KCNK2: variants seen among roughly 807,000 people sequenced by gnomAD.
KCNK2 encodes potassium channel subfamily K member 2.
A neutral mutation model predicts 40.5 loss-of-function variants in KCNK2; 21 were observed. That is an observed-to-expected ratio of 0.52 (90% CI 0.37 to 0.75). KCNK2 has a LOEUF of 0.75. Ranked by LOEUF, KCNK2 falls within the 30% of genes least tolerant of loss-of-function variation. KCNK2 has a pLI of 0.00. For missense variants in KCNK2, 399 were observed against 531.6 expected, an observed-to-expected ratio of 0.75 and a Z score of 2.45; for synonymous variants, 191 against 202.2, an observed-to-expected ratio of 0.94 and a Z score of 0.47.
intron 3 of KCNK2, among the ~76,000 whole-genome samples, chr1:215,136,678 T>C (rs1661934071): frequency 6.6e-6 from 1 of 152,168 alleles, no homozygotes; most frequent in Non-Finnish European, 1.5e-5. Flanking sequence ...GGTTCTTCCA[T>C]GATCCCTGTG....
At chr1:215,200,992 A>G (rs1291676813) in intron 6 of KCNK2, among the ~76,000 whole-genome samples, 7 of 152,168 alleles carry the variant, frequency 4.6e-5, no homozygotes, top group Admixed American at 4.6e-4. Context: ...TAAAGCTGGG[A>G]AGATAGTTTG....
intron 1 of KCNK2, among the ~76,000 whole-genome samples, chr1:215,063,701 A>G (rs1423784780): frequency 2.0e-5 from 3 of 152,152 alleles, no homozygotes; most frequent in Admixed American, 6.5e-5. Flanking sequence ...ATGGCATGAG[A>G]GCAGGTCTCT....
intron 6 of KCNK2, among the ~76,000 whole-genome samples, chr1:215,226,729 A>G (rs990743931): frequency 6.6e-6 from 1 of 152,194 alleles, no homozygotes; most frequent in East Asian, 1.9e-4. Flanking sequence ...GAGAGGTGAA[A>G]AGAGTTAGAG....
At chr1:215,183,110 C>T (rs1398694277) in intron 5 of KCNK2, among the ~76,000 whole-genome samples, 6 of 152,078 alleles carry the variant, frequency 3.9e-5, no homozygotes, top group East Asian at 3.9e-4. Context: ...TTAAAGCTTA[C>T]GGGGTTGATC....
At chr1:215,111,983 TTACCAAG>T (rs1386016705) in intron 2 of KCNK2, among the ~76,000 whole-genome samples, 3 of 145,466 alleles carry the variant, frequency 2.1e-5, no homozygotes, top group Non-Finnish European at 4.5e-5. Flanking sequence ...TGCCTGTAAG[TTACCAAG>T]TACAGGGATT....
chr1:215,084,182 G>GCACA (rs71945726), intron 1 of KCNK2, among the ~76,000 whole-genome samples: 8,555 of 141,832 alleles, frequency 0.06, 271 homozygotes, highest in Admixed American at 0.085. Flanking sequence ...TTAGGTTAAT[G>GCACA]CACACACACA....
chr1:215,048,611 C>T (rs554555333), intron 1 of KCNK2, among the ~76,000 whole-genome samples: 1 of 152,246 alleles, frequency 6.6e-6, no homozygotes, highest in South Asian at 2.1e-4. Flanking sequence ...AAATTTTATT[C>T]AAGTCAAATG....
At chr1:215,127,874 G>T (rs1661500789) in intron 3 of KCNK2, among the ~76,000 whole-genome samples, 1 of 152,026 alleles carries the variant, frequency 6.6e-6, no homozygotes. Flanking sequence ...ATACCTGTGA[G>T]GCTAAATTAT....
intron 1 of KCNK2, among the ~76,000 whole-genome samples, chr1:215,064,222 G>A (rs1206141843): frequency 6.6e-6 from 1 of 152,144 alleles, no homozygotes; most frequent in Non-Finnish European, 1.5e-5. Context: ...GCTTTTACCT[G>A]TAACATCTAA....
chr1:215,196,534 A>G (rs1443924480), intron 6 of KCNK2, among the ~76,000 whole-genome samples: 1 of 152,218 alleles, frequency 6.6e-6, no homozygotes, highest in Non-Finnish European at 1.5e-5. Flanking sequence ...TCTTAGTTGC[A>G]TCATCAAATT....
At chr1:215,234,582 C>A (rs998433615) in intron 6 of KCNK2, among the ~76,000 whole-genome samples, 3 of 152,038 alleles carry the variant, frequency 2.0e-5, no homozygotes, top group African/African-American at 7.3e-5. Flanking sequence ...CATGTAGAGC[C>A]CCTGAAATAT....
At chr1:215,180,625 G>A (rs1591863) in intron 5 of KCNK2, among the ~76,000 whole-genome samples, 18,881 of 151,958 alleles carry the variant, frequency 0.12, 2,452 homozygotes, top group African/African-American at 0.33. Context: ...TGAAGCTTAG[G>A]TTGGTGGAAT....
intron 6 of KCNK2, among the ~76,000 whole-genome samples, chr1:215,200,384 C>G (rs916601740): frequency 6.6e-6 from 1 of 152,164 alleles, no homozygotes; most frequent in Non-Finnish European, 1.5e-5. Context: ...CTTGGAGGCT[C>G]TTTATCTTTG....
In KCNK2 at chr1:215,236,964, G is replaced by T. The variant is rs1169828261; in HGVS notation, c.*1819G>T. 1 of 152,492 alleles carries T rather than the reference G, an allele frequency of 6.6e-6. No individual in the cohort carries two copies. Among genetic ancestry groups the T allele is most frequent in the Non-Finnish European group, 1.5e-5 (1 of 68,014 alleles). The allele number at this position is 152,492 out of a possible 1,614,324, so 9.4% of individuals were successfully genotyped here. A position where few individuals can be genotyped will look rare whatever the true frequency, so the allele number is the denominator to read the frequency against. The stretch of plus-strand genomic sequence containing the variant: ...AAAAATCCAACCAAAATTTTAGAAA[G>T]TCAGGCTCTTTTAGAAAGAAAGCTA... On this transcript the variant is annotated 3_prime_UTR_variant, in exon 7 of 7. Transcript: ENST00000444842.
At chr1:215,076,771 T>G (rs1658955042) in intron 1 of KCNK2, among the ~76,000 whole-genome samples, 1 of 152,182 alleles carries the variant, frequency 6.6e-6, no homozygotes, top group South Asian at 2.1e-4. Flanking sequence ...CAGGAATCAT[T>G]GCGGGGGTCA....
At chr1:215,073,197 C>T (rs1411350846) in intron 1 of KCNK2, among the ~76,000 whole-genome samples, 2 of 152,108 alleles carry the variant, frequency 1.3e-5, no homozygotes, top group African/African-American at 4.8e-5. Flanking sequence ...AAGGATTCTT[C>T]CTTAGAGCTG....
intron 1 of KCNK2, among the ~76,000 whole-genome samples, chr1:215,020,528 C>T (rs912439976): frequency 2.0e-5 from 3 of 152,096 alleles, no homozygotes; most frequent in Admixed American, 6.5e-5. Context: ...TGAGTTCAAG[C>T]GATTATTGTG....
chr1:215,203,834 C>T (rs866684041), intron 6 of KCNK2, among the ~76,000 whole-genome samples: 13 of 151,530 alleles, frequency 8.6e-5, no homozygotes, highest in South Asian at 2.1e-4. Flanking sequence ...GTCAGGAGAT[C>T]GAGACCATCC....
chr1:215,232,361 C>T (rs1013594351), intron 6 of KCNK2, among the ~76,000 whole-genome samples: 2 of 151,994 alleles, frequency 1.3e-5, no homozygotes. Context: ...ACTATAAGAC[C>T]TTTTTTTGCA....
Sources: gnomAD v4.1 joint callset for allele counts (sites outside exome capture counted in the v4.1 genomes callset) on GRCh38, gnomAD v4.1.1 for gene constraint, MANE v1.5 for transcripts, NCBI Gene and HGNC (gene_info 2026-07-23, HGNC 2026-07-21) for gene names.